CYP20A1: variants seen among roughly 807,000 people sequenced by gnomAD.
The protein encoded by CYP20A1 is cytochrome P450 20A1.
In CYP20A1, 61 loss-of-function variants were observed where a neutral mutation model predicts 61.4. The observed-to-expected ratio is 0.99, with a 90% confidence interval of 0.81 to 1.23. The LOEUF is 1.23. CYP20A1 is among the 50% of genes most tolerant of loss of function. The probability of loss-of-function intolerance (pLI) is 0.00; values close to 1 mark genes in which losing one functional copy is unlikely to be tolerated. For synonymous variants in CYP20A1, 193 were observed against 188.2 expected (o/e 1.03, Z -0.21); for missense variants, 530 against 542.4 (o/e 0.98, Z 0.23).
rs2067333881 is a variant in CYP20A1 at position 203,266,631 on chromosome 2, A to G, written c.550A>G (p.Thr184Ala). 3.1e-6 allele frequency: 5 copies of G among 1,614,018 alleles called. No homozygotes were observed. Among genetic ancestry groups the G allele is most frequent in the Non-Finnish European group, 4.2e-6 (5 of 1,179,928 alleles). Reference protein sequence around the residue: ...KSVTQMVMGSTFEDDQEVIRF... With the variant: ...KSVTQMVMGSAFEDDQEVIRF... ...TGTTACACAGATGGTAATGGGTAGT[A>G]CATTTGAAGATGATCAGGAAGTCAT... The change falls in exon 5 of 13, where the codon ACA (threonine) becomes GCA (alanine). Residue 184 changes from threonine to alanine, a missense_variant. By Grantham distance (58) the Thr-to-Ala change is moderately conservative. Transcript: ENST00000356079.
At chr2:203,279,322 T>G (rs934131295) in intron 7 of CYP20A1, among the ~76,000 whole-genome samples, 69 of 152,308 alleles carry the variant, frequency 4.5e-4, no homozygotes, top group African/African-American at 1.1e-3. Flanking sequence ...GTCTCTATTA[T>G]TTAGCTCTTT....
chr2:203,247,803 G>C (rs1334754628), intron 3 of CYP20A1, among the ~76,000 whole-genome samples: 1 of 152,110 alleles, frequency 6.6e-6, no homozygotes, highest in Non-Finnish European at 1.5e-5. Context: ...GTTGCAGTGA[G>C]CTGAGATCGC....
At chr2:203,292,974 G>C (rs1014029197) in intron 11 of CYP20A1, among the ~76,000 whole-genome samples, 4 of 151,832 alleles carry the variant, frequency 2.6e-5, no homozygotes, top group African/African-American at 7.2e-5. Flanking sequence ...ATGAGTTCAA[G>C]ACCAGCCTGG....
Position 203,302,840 on chromosome 2 carries a change from G to A in CYP20A1, c.*5932G>A, listed in dbSNP as rs1389991659. Reference sequence around the variant, plus strand: ...TTTGAGTAACTGGGGTTACAGGCGCGTGCCATCACACCCAGCTCATTTTTG... The same window carrying A: ...TTTGAGTAACTGGGGTTACAGGCGCATGCCATCACACCCAGCTCATTTTTG... On this transcript the variant is annotated 3_prime_UTR_variant, in exon 13 of 13. Coordinates refer to ENST00000356079, the MANE Select transcript of CYP20A1 (RefSeq NM_177538.3). 1.3e-5 allele frequency among the ~76,000 whole-genome samples: 2 copies of A among 151,762 alleles called. No individual in the cohort carries two copies. Among genetic ancestry groups the A allele is most frequent in the Non-Finnish European group, 2.9e-5 (2 of 67,958 alleles).
Position 203,297,158 on chromosome 2 carries a change from A to C in CYP20A1, c.*250A>C. The C allele has an allele frequency of 4.0e-6, 1 of 247,606 alleles. No homozygotes were observed. The highest frequency in any genetic ancestry group is 7.7e-6 in the Non-Finnish European group (1 of 130,372). The allele number at this position is 247,606 out of a possible 1,614,324, so 15.3% of individuals were successfully genotyped here. ...TTCTACTTTTTATTTTTGTTTTTTC[A>C]CTTTCTATGCCATTATTTTTGTATT... On this transcript the variant is annotated 3_prime_UTR_variant, in exon 13 of 13. Coordinates refer to ENST00000356079, the MANE Select transcript of CYP20A1 (RefSeq NM_177538.3).
At chr2:203,245,623 TA>T (rs2066435892) in intron 1 of CYP20A1, among the ~76,000 whole-genome samples, 3 of 152,260 alleles carry the variant, frequency 2.0e-5, no homozygotes, top group Non-Finnish European at 2.9e-5. Context: ...GTTAGTTTGC[TA>T]AAGAAAATGG....
At chr2:203,245,778 T>A in intron 1 of CYP20A1, 68 bp from the exon 2 acceptor site, 5 of 835,514 alleles carry the variant, frequency 6.0e-6, no homozygotes, top group Non-Finnish European at 9.6e-6. Context: ...CCTGCAGATG[T>A]GTTGGTGAAA....
intron 4 of CYP20A1, among the ~76,000 whole-genome samples, chr2:203,263,933 A>T (rs528133308): frequency 6.6e-6 from 1 of 151,884 alleles, no homozygotes; most frequent in African/African-American, 2.4e-5. Flanking sequence ...CTTCCTCTGT[A>T]ATTGTGGATT....
At position 203,302,483 on chromosome 2, in the gene CYP20A1, G is replaced by A. The variant is rs2069059429; in HGVS notation, c.*5575G>A. On this transcript the variant is annotated 3_prime_UTR_variant, in exon 13 of 13. Coordinates refer to ENST00000356079, the MANE Select transcript of CYP20A1 (RefSeq NM_177538.3). ...CAGGAAGTCAAGGCTACAGTGAGCTGTGGTAGTGCCACTGCACTCCCTCAT... is the reference window on the plus strand; with the variant it reads ...CAGGAAGTCAAGGCTACAGTGAGCTATGGTAGTGCCACTGCACTCCCTCAT... 6.6e-6 allele frequency among the ~76,000 whole-genome samples: 1 copy of A among 152,218 alleles called. No homozygotes were observed. Among genetic ancestry groups the A allele is most frequent in the Admixed American group, 6.5e-5 (1 of 15,282 alleles).
rs79854640 is a variant in CYP20A1 at position 203,245,840 on chromosome 2, T to G, written c.73-6T>G. 9.7e-4 allele frequency: 1,542 copies of G among 1,589,688 alleles called. 20 individuals carry two copies. In the South Asian group the frequency reaches 0.016, roughly 17 times the overall value. ...AATTCATTATTATAAACTTTTTTTT[T>G]GTAAGGCTTCCAGACAAGCTGCAGG... is the stretch of plus-strand genomic sequence containing the variant. On this transcript the variant is annotated splice_region_variant and splice_polypyrimidine_tract_variant and intron_variant, in intron 1 of 12. Coordinates refer to ENST00000356079, the MANE Select transcript of CYP20A1 (RefSeq NM_177538.3).
chr2:203,239,166 G>C (rs367576674), intron 1 of CYP20A1, 32 bp downstream of exon 1: 777 of 1,584,456 alleles, frequency 4.9e-4, no homozygotes, highest in Non-Finnish European at 6.1e-4. Context: ...TGGGGCCCCG[G>C]GCGCCGCCCC....
chr2:203,245,974 A>T, intron 2 of CYP20A1, 79 bp downstream of exon 2: 1 of 998,002 alleles, frequency 1.0e-6, no homozygotes, highest in South Asian at 1.6e-5. Flanking sequence ...TTTTTAGCCA[A>T]TCATGGTAGC....
chr2:203,267,530 T>TAAGA (rs2067376273), intron 5 of CYP20A1, among the ~76,000 whole-genome samples: 2 of 139,546 alleles, frequency 1.4e-5, no homozygotes, highest in Non-Finnish European at 3.1e-5. Flanking sequence ...GTGAGACTCT[T>TAAGA]GTCTCACTCC....
chr2:203,255,472 TGGTTTAAAAAGTCAGA>T (rs1158664679), intron 4 of CYP20A1, among the ~76,000 whole-genome samples: 3 of 152,168 alleles, frequency 2.0e-5, no homozygotes. Context: ...AGATTTGTAT[TGGTTTAAAAAGTCAGA>T]GCCTATACTC....
chr2:203,266,502 G>A lies in CYP20A1; in HGVS notation c.433-12G>A, dbSNP rs754387443. 4 of 1,611,296 alleles carry A rather than the reference G, an allele frequency of 2.5e-6. No homozygotes were observed. The highest frequency in any genetic ancestry group is 3.4e-6 in the Non-Finnish European group (4 of 1,177,658). On this transcript the variant is annotated splice_polypyrimidine_tract_variant and intron_variant, in intron 4 of 12. Coordinates refer to ENST00000356079, the MANE Select transcript of CYP20A1 (RefSeq NM_177538.3). ...GAAACAGTAATCATTGTGCTTTTCT[G>A]TTCTCTTTCAGCTTTCAGAAGAATT...
Position 203,254,948 on chromosome 2 carries a change from G to A in CYP20A1, c.432+2839G>A, listed in dbSNP as rs552341361. ...GGAGGTTGCAGTGAGCCAAGATTGC[G>A]CCACTGCACTCCAGCCTGGGTAACA... On this transcript the variant is annotated intron_variant, in intron 4 of 12. Coordinates refer to ENST00000356079, the MANE Select transcript of CYP20A1 (RefSeq NM_177538.3). Among the ~76,000 whole-genome samples, 21 of 150,856 alleles carry A rather than the reference G, an allele frequency of 1.4e-4. No individual in the cohort carries two copies. In the South Asian group the frequency reaches 4.2e-3, roughly 30 times the overall value.
rs113947293 is a variant in CYP20A1 at position 203,273,253 on chromosome 2, G to A, written c.679+505G>A. On this transcript the variant is annotated intron_variant, in intron 6 of 12. Coordinates refer to ENST00000356079, the MANE Select transcript of CYP20A1 (RefSeq NM_177538.3). The stretch of plus-strand genomic sequence containing the variant: ...AGTAAAAGAAACTCTAGCACAGACT[G>A]CAGAATGAGAGTGTTGTAGAGCTGG... 3.2e-4 allele frequency among the ~76,000 whole-genome samples: 48 copies of A among 152,286 alleles called. 1 individual carries two copies. The highest frequency in any genetic ancestry group is 3.4e-3 in the Middle Eastern group (1 of 294).
At chr2:203,296,031 G>A (rs2068782586) in intron 11 of CYP20A1, among the ~76,000 whole-genome samples, 1 of 152,142 alleles carries the variant, frequency 6.6e-6, no homozygotes, top group Admixed American at 6.6e-5. Flanking sequence ...GAGAGATTGA[G>A]GCAGGAGGAT....
chr2:203,290,165 T>C (rs2068475445), intron 10 of CYP20A1, among the ~76,000 whole-genome samples: 1 of 152,094 alleles, frequency 6.6e-6, no homozygotes, highest in Non-Finnish European at 1.5e-5. Context: ...GGTCTTGAAC[T>C]CCTGACCTCA....
Sources: gnomAD v4.1 joint callset for allele counts (sites outside exome capture counted in the v4.1 genomes callset) on GRCh38, gnomAD v4.1.1 for gene constraint, MANE v1.5 for transcripts, NCBI Gene and HGNC (gene_info 2026-07-23, HGNC 2026-07-21) for gene names.